The following ADCY8 variants were observed in gnomAD, a reference collection of about 807,000 sequenced individuals.
ADCY8 encodes adenylate cyclase 8, also known as adenylate cyclase type 8.
Under a neutral mutation model 119.7 loss-of-function variants are expected in ADCY8, and 51 were observed. The ratio of observed to expected loss-of-function variants is 0.43; its 90% CI spans 0.34 to 0.54. ADCY8 has a LOEUF of 0.54. ADCY8 is among the 20% of genes least tolerant of loss of function. ADCY8 has a pLI of 0.03. For synonymous variants in ADCY8, 665 were observed against 651.0 expected, an observed-to-expected ratio of 1.02 and a Z score of -0.33; for missense variants, 1,383 against 1,598.8, an observed-to-expected ratio of 0.87 and a Z score of 2.30.
rs143818764 is a variant in ADCY8 at position 130,879,108 on chromosome 8, A to G, written c.2109+5456T>C. Among the ~76,000 whole-genome samples the G allele has an allele frequency of 2.1e-3, 313 of 152,272 alleles. 3 individuals are homozygous for G. The highest frequency in any genetic ancestry group is 7.2e-3 in the African/African-American group (301 of 41,550). The stretch of plus-strand genomic sequence containing the variant: ...CTCTGGCTTGGAAACATCCATAAGT[A>G]AATGTAATTAATTGTCTTCCCTATC... On this transcript the variant is annotated intron_variant, in intron 8 of 17. Transcript: ENST00000286355.
Position 130,818,052 on chromosome 8 carries a change from G to T in ADCY8, c.2754+3290C>A, listed in dbSNP as rs1816398389. ...TAAACCTGAATCTCACCAAGCTTCTGGACAGAAATACAGTACAAACAAAAC... is the reference window on the plus strand; with the variant it reads ...TAAACCTGAATCTCACCAAGCTTCTTGACAGAAATACAGTACAAACAAAAC... On this transcript the variant is annotated intron_variant, in intron 13 of 17. Transcript: ENST00000286355. Among the ~76,000 whole-genome samples the T allele has an allele frequency of 2.6e-5, 4 of 152,248 alleles. No homozygotes were observed. The South Asian group carries it at 8.3e-4, about 32-fold the overall frequency.
intron 8 of ADCY8, among the ~76,000 whole-genome samples, chr8:130,877,295 G>C (rs922681121): frequency 6.6e-6 from 1 of 152,202 alleles, no homozygotes; most frequent in Non-Finnish European, 1.5e-5. Flanking sequence ...ACAAGCCAGA[G>C]TGTAAGTTCC....
chr8:131,025,614 C>T (rs940679862), intron 1 of ADCY8, among the ~76,000 whole-genome samples: 2 of 152,160 alleles, frequency 1.3e-5, no homozygotes, highest in African/African-American at 4.8e-5. Flanking sequence ...AACATAATTC[C>T]AATCTTACCT....
chr8:130,955,661 T>C (rs758111781), intron 2 of ADCY8, among the ~76,000 whole-genome samples: 6 of 152,176 alleles, frequency 3.9e-5, no homozygotes, highest in Non-Finnish European at 8.8e-5. Flanking sequence ...TACCATACAT[T>C]ATGCAAACTA....
intron 1 of ADCY8, among the ~76,000 whole-genome samples, chr8:131,027,027 T>C (rs770793273): frequency 2.2e-4 from 33 of 152,242 alleles, no homozygotes; most frequent in Non-Finnish European, 4.6e-4. Context: ...ATGAACTCTA[T>C]GCTTTTTTCT....
intron 5 of ADCY8, among the ~76,000 whole-genome samples, chr8:130,914,189 T>C (rs1820061256): frequency 6.6e-6 from 1 of 152,210 alleles, no homozygotes; most frequent in Admixed American, 6.5e-5. Flanking sequence ...CCTGGGCACA[T>C]AGTTTAATCT....
intron 14 of ADCY8, among the ~76,000 whole-genome samples, chr8:130,812,623 T>G (rs1563674893): frequency 6.6e-6 from 1 of 152,140 alleles, no homozygotes; most frequent in Non-Finnish European, 1.5e-5. Flanking sequence ...AAGGAGAGAT[T>G]CTCCCCCAGA....
chr8:131,036,525 A>G (rs1824160795), intron 1 of ADCY8, among the ~76,000 whole-genome samples: 1 of 152,198 alleles, frequency 6.6e-6, no homozygotes, highest in African/African-American at 2.4e-5. Flanking sequence ...CCGAGGATAA[A>G]ATGCTATTTA....
chr8:130,845,958 TTA>T (rs1310839164), intron 11 of ADCY8, among the ~76,000 whole-genome samples: 1 of 152,128 alleles, frequency 6.6e-6, no homozygotes, highest in African/African-American at 2.4e-5. Flanking sequence ...TCTAGTTTTA[TTA>T]TCTATAAGAC....
chr8:130,963,589 T>TG (rs1212944721), intron 2 of ADCY8, among the ~76,000 whole-genome samples: 2 of 152,296 alleles, frequency 1.3e-5, no homozygotes, highest in Middle Eastern at 3.4e-3. Context: ...CTCTACTTCA[T>TG]GGGGGGTTTA....
intron 12 of ADCY8, 128 bp from the exon 13 acceptor site, chr8:130,821,548 T>C (rs2130199060): frequency 1.5e-6 from 1 of 669,282 alleles, no homozygotes; most frequent in South Asian, 1.8e-5. Context: ...TATTATGTGA[T>C]AGTGGCTGCT....
intron 1 of ADCY8, among the ~76,000 whole-genome samples, chr8:131,019,958 G>A (rs979648481): frequency 5.5e-4 from 83 of 152,018 alleles, no homozygotes; most frequent in Admixed American, 5.4e-3. Context: ...CAGAGGAAGC[G>A]TCCCTGAGAA....
chr8:130,865,166 T>G (rs1818072456), intron 9 of ADCY8, among the ~76,000 whole-genome samples: 2 of 152,236 alleles, frequency 1.3e-5, no homozygotes, highest in South Asian at 4.1e-4. Flanking sequence ...GTATACAGGG[T>G]CCTTGTTGGT....
intron 15 of ADCY8, among the ~76,000 whole-genome samples, chr8:130,790,532 C>T (rs1396955597): frequency 6.6e-6 from 1 of 152,208 alleles, no homozygotes; most frequent in East Asian, 1.9e-4. Context: ...TGCCACCCTC[C>T]TCAACTTTCT....
In ADCY8 at chr8:130,780,336, A is replaced by G; in HGVS notation, c.*54T>C. 1 of 1,216,314 alleles carries G rather than the reference A, an allele frequency of 8.2e-7. No homozygotes were observed. Among genetic ancestry groups the G allele is most frequent in the Non-Finnish European group, 1.0e-6 (1 of 962,902 alleles). 75.3% of individuals were successfully genotyped at this position (1,216,314 alleles called of 1,614,324 possible). A position where few individuals can be genotyped will look rare whatever the true frequency, so the allele number is the denominator to read the frequency against. On this transcript the variant is annotated 3_prime_UTR_variant, in exon 18 of 18. Transcript: ENST00000286355. ...AAAAATTAAACCTTTTTATTAGTAT[A>G]TTTATTTTATATATAAAAGAAATAC...
chr8:130,830,238 C>T (rs984786825), intron 12 of ADCY8, among the ~76,000 whole-genome samples: 1 of 152,160 alleles, frequency 6.6e-6, no homozygotes, highest in African/African-American at 2.4e-5. Context: ...GACATAGATG[C>T]TGACATTGTG....
intron 1 of ADCY8, among the ~76,000 whole-genome samples, chr8:131,006,493 A>T (rs1347810372): frequency 6.6e-6 from 1 of 152,186 alleles, no homozygotes; most frequent in Non-Finnish European, 1.5e-5. Context: ...GGCAATGATG[A>T]GATTTTTCCC....
intron 1 of ADCY8, among the ~76,000 whole-genome samples, chr8:131,000,884 A>C (rs1822924439): frequency 6.6e-6 from 1 of 152,080 alleles, no homozygotes; most frequent in Non-Finnish European, 1.5e-5. Context: ...TTTCCAGCAC[A>C]GTCTAGAAGA....
At chr8:130,968,996 A>G (rs1294797977) in intron 2 of ADCY8, among the ~76,000 whole-genome samples, 2 of 152,178 alleles carry the variant, frequency 1.3e-5, no homozygotes, top group African/African-American at 4.8e-5. Context: ...CGCTACTTCT[A>G]TCAAGACGCA....
Sources: gnomAD v4.1 joint callset for allele counts (sites outside exome capture counted in the v4.1 genomes callset) on GRCh38, gnomAD v4.1.1 for gene constraint, MANE v1.5 for transcripts, NCBI Gene and HGNC (gene_info 2026-07-23, HGNC 2026-07-21) for gene names.